OSBPL10: variants seen among roughly 807,000 people sequenced by gnomAD.
The protein encoded by OSBPL10 is oxysterol binding protein like 10, also known as oxysterol-binding protein-related protein 10.
In OSBPL10, 49 loss-of-function variants were observed where a neutral mutation model predicts 81.7. The observed-to-expected ratio is 0.60, with a 90% CI of 0.48 to 0.76. The LOEUF (loss-of-function observed/expected upper bound fraction) is 0.76, where lower values mean the gene tolerates loss of function less well. Ranked by LOEUF, OSBPL10 falls within the 30% of genes least tolerant of loss-of-function variation. The probability of loss-of-function intolerance (pLI) is 0.00; values close to 1 mark genes in which losing one functional copy is unlikely to be tolerated. For missense variants in OSBPL10, 923 were observed against 987.8 expected (o/e 0.93, Z 0.88); for synonymous variants, 419 against 383.6 (o/e 1.09, Z -1.08).
intron 4 of OSBPL10, among the ~76,000 whole-genome samples, chr3:31,824,690 G>A (rs1037174837): frequency 6.6e-6 from 1 of 152,112 alleles, no homozygotes; most frequent in Non-Finnish European, 1.5e-5. Context: ...GTCCACCAAA[G>A]CCTTCACATC....
chr3:31,953,693 A>C (rs1697932355), intron 1 of OSBPL10, among the ~76,000 whole-genome samples: 1 of 152,230 alleles, frequency 6.6e-6, no homozygotes, highest in South Asian at 2.1e-4. Flanking sequence ...AGTGTGAGCC[A>C]CCACACCTGG....
chr3:31,747,487 T>TAAA (rs61150758), intron 5 of OSBPL10, among the ~76,000 whole-genome samples: 63 of 98,484 alleles, frequency 6.4e-4, no homozygotes, highest in African/African-American at 7.8e-4. Flanking sequence ...AATCTTCAAA[T>TAAA]AAAAAAAAAA....
intron 6 of OSBPL10, chr3:31,713,977 G>A (rs1368344964): frequency 6.6e-6 from 1 of 152,186 alleles, no homozygotes; most frequent in African/African-American, 2.4e-5. Context: ...ATAAGTAAAG[G>A]AAATAAACAG....
intron 4 of OSBPL10, among the ~76,000 whole-genome samples, chr3:31,800,178 C>CT (rs1406110075): frequency 1.3e-5 from 2 of 152,218 alleles, no homozygotes; most frequent in Non-Finnish European, 2.9e-5. Flanking sequence ...GTTGTGCCTT[C>CT]TCTTGTATAA....
chr3:31,838,664 C>T (rs1700421443), intron 3 of OSBPL10, among the ~76,000 whole-genome samples: 1 of 151,948 alleles, frequency 6.6e-6, no homozygotes, highest in Admixed American at 6.6e-5. Flanking sequence ...AACTGAGGTC[C>T]AAAAAAGTCA....
At chr3:31,783,142 T>TAC (rs1202222642) in intron 4 of OSBPL10, among the ~76,000 whole-genome samples, 12 of 93,894 alleles carry the variant, frequency 1.3e-4, no homozygotes, top group African/African-American at 4.8e-4. Context: ...TATATATATA[T>TAC]ATATACACAC....
At chr3:31,910,568 G>A (rs1056921134) in intron 1 of OSBPL10, among the ~76,000 whole-genome samples, 5 of 151,936 alleles carry the variant, frequency 3.3e-5, no homozygotes, top group Non-Finnish European at 7.4e-5. Context: ...CCTGGGAGGT[G>A]GAGGTTGCAG....
intron 1 of OSBPL10, among the ~76,000 whole-genome samples, 196 bp from the exon 2 acceptor site, chr3:31,880,026 C>T (rs1048807652): frequency 2.0e-5 from 3 of 152,148 alleles, no homozygotes; most frequent in Non-Finnish European, 2.9e-5. Flanking sequence ...ATCAGAGTGG[C>T]GCTCATAATG....
intron 2 of OSBPL10, among the ~76,000 whole-genome samples, chr3:32,020,753 G>T (rs1699357121): frequency 6.6e-6 from 1 of 152,150 alleles, no homozygotes; most frequent in African/African-American, 2.4e-5. Context: ...TATAGAAGCG[G>T]GTAAGCAAGA....
chr3:31,931,764 TAATA>T (rs1239444396), intron 1 of OSBPL10, among the ~76,000 whole-genome samples: 2 of 152,232 alleles, frequency 1.3e-5, no homozygotes, highest in Non-Finnish European at 2.9e-5. Context: ...AATGAATAAA[TAATA>T]AATAGTGATG....
At chr3:31,697,588 TTAATAA>T (rs1425084921) in intron 7 of OSBPL10, among the ~76,000 whole-genome samples, 4 of 152,310 alleles carry the variant, frequency 2.6e-5, no homozygotes, top group African/African-American at 9.6e-5. Flanking sequence ...CGAATAGCAA[TTAATAA>T]TAATAATTAT....
At chr3:31,744,319 T>A (rs1697450989) in intron 5 of OSBPL10, among the ~76,000 whole-genome samples, 1 of 151,762 alleles carries the variant, frequency 6.6e-6, no homozygotes, top group South Asian at 2.1e-4. Flanking sequence ...GGCGGATGGA[T>A]CACCTGAGGT....
At chr3:31,749,678 G>A (rs942814221) in intron 4 of OSBPL10, among the ~76,000 whole-genome samples, 4 of 151,956 alleles carry the variant, frequency 2.6e-5, no homozygotes, top group Non-Finnish European at 5.9e-5. Flanking sequence ...AGCCAGCTGT[G>A]GTGGTGGACG....
chr3:31,709,351 G>A (rs1309684391), intron 6 of OSBPL10: 1 of 152,202 alleles, frequency 6.6e-6, no homozygotes, highest in Non-Finnish European at 1.5e-5. Flanking sequence ...AGAAAGGTTA[G>A]TTTTAAATAA....
intron 6 of OSBPL10, chr3:31,717,113 A>G (rs569491460): frequency 6.6e-6 from 1 of 152,370 alleles, no homozygotes; most frequent in African/African-American, 2.4e-5. Context: ...AGCAAAATGC[A>G]TTAAGAACTC....
chr3:31,823,890 C>T (rs1395489157), intron 4 of OSBPL10, among the ~76,000 whole-genome samples: 1 of 151,540 alleles, frequency 6.6e-6, no homozygotes, highest in Non-Finnish European at 1.5e-5. Flanking sequence ...TTGGCTCTAT[C>T]ACCTAGGCTG....
chr3:31,683,747 G>A lies in OSBPL10; in HGVS notation c.1613C>T (p.Pro538Leu). The stretch of plus-strand genomic sequence containing the variant: ...GCACTCACAGTAGAAGCAGGAGATG[G>A]GTGGGTGATGGGACACTTGCTCAGC... ...FVAEQVSHHP[P>L]ISCFYCECEE... The change falls in exon 8 of 12, where the codon CCC (proline) becomes CTC (leucine). Residue 538 changes from proline (P) to leucine (L), a missense_variant. Pro to Leu is a moderately conservative substitution (Grantham distance 98, BLOSUM62 -3). This residue lies in a region of OSBPL10 where 387 missense variants were observed against 436.3 expected (regional missense o/e 0.89). Coordinates refer to ENST00000396556, the MANE Select transcript of OSBPL10 (RefSeq NM_017784.5). The A allele has an allele frequency of 1.9e-6, 3 of 1,614,218 alleles. No individual in the cohort carries two copies. Among genetic ancestry groups the A allele is most frequent in the Non-Finnish European group, 2.5e-6 (3 of 1,180,050 alleles).
At chr3:31,860,440 T>C (rs997997055) in intron 3 of OSBPL10, among the ~76,000 whole-genome samples, 11 of 152,106 alleles carry the variant, frequency 7.2e-5, no homozygotes, top group African/African-American at 2.2e-4. Flanking sequence ...GGATTTACTA[T>C]GGGAGAAGAA....
chr3:31,666,093 A>T (rs2125501893), intron 10 of OSBPL10, among the ~76,000 whole-genome samples: 1 of 152,318 alleles, frequency 6.6e-6, no homozygotes, highest in Admixed American at 6.5e-5. Context: ...GCAATTCAGT[A>T]AGAAAAGCCA....
Sources: gnomAD v4.1 joint callset for allele counts (sites outside exome capture counted in the v4.1 genomes callset) on GRCh38, gnomAD v4.1.1 for gene constraint, gnomAD v4.1.1 regional missense constraint, MANE v1.5 for transcripts, NCBI Gene and HGNC (gene_info 2026-07-23, HGNC 2026-07-21) for gene names.